Variants in RASA1 observed in about 807,000 individuals in gnomAD.
RASA1 encodes the protein RAS p21 protein activator 1.
In RASA1, 25 loss-of-function variants were observed where a neutral mutation model predicts 132.2. That is an observed-to-expected ratio of 0.19 (90% confidence interval 0.14 to 0.26). RASA1 has a LOEUF of 0.26. Among genes scored for constraint, RASA1 ranks in the 10% least tolerant of loss-of-function variants. The pLI is 1.00. For missense variants in RASA1, 964 were observed against 1,299.2 expected (o/e 0.74, Z 3.97); for synonymous variants, 477 against 449.9 (o/e 1.06, Z -0.76).
At chr5:87,304,991 G>A (rs1470624537) in intron 1 of RASA1, among the ~76,000 whole-genome samples, 1 of 23,622 alleles carries the variant, frequency 4.2e-5, no homozygotes, top group Non-Finnish European at 8.0e-5. Flanking sequence ...AATATACTTT[G>A]TATTTATCTG....
chr5:87,336,787 G>A (rs1415288729), intron 4 of RASA1, among the ~76,000 whole-genome samples: 2 of 152,052 alleles, frequency 1.3e-5, no homozygotes, highest in Non-Finnish European at 2.9e-5. Context: ...GAAAGGAATA[G>A]TTTAATTGGT....
At chr5:87,362,785 C>T (rs1760213476) in intron 10 of RASA1, 114 bp downstream of exon 10, 2 of 1,262,742 alleles carry the variant, frequency 1.6e-6, no homozygotes, top group South Asian at 2.6e-5. Flanking sequence ...TAGTAATTGA[C>T]ACTTGTTTAG....
At chr5:87,296,751 T>C (rs907191812) in intron 1 of RASA1, among the ~76,000 whole-genome samples, 22 of 152,144 alleles carry the variant, frequency 1.4e-4, no homozygotes, top group Admixed American at 7.9e-4. Flanking sequence ...GAAGCTTGAA[T>C]ATGATATGCT....
chr5:87,278,909 C>CTTT lies in RASA1; in HGVS notation c.539+9941_539+9943dup, dbSNP rs58122450. 2.5e-3 allele frequency among the ~76,000 whole-genome samples: 209 copies of CTTT among 83,994 alleles called. 11 individuals are homozygous for CTTT. Among genetic ancestry groups the CTTT allele is most frequent in the East Asian group, 5.9e-3 (15 of 2,564 alleles). The allele number at this position is 83,994 out of a possible 152,430, so 55.1% of individuals were successfully genotyped here. ...ATTCCCTGGTAACTGCTAATTTGTT[C>CTTT]TTTTTTTTTTTTTTTTTTTTTTTTC... On this transcript the variant is annotated intron_variant, in intron 1 of 24. Coordinates refer to ENST00000274376, the MANE Select transcript of RASA1 (RefSeq NM_002890.3).
At chr5:87,333,468 T>C in intron 4 of RASA1, 131 bp downstream of exon 4, 2 of 1,380,120 alleles carry the variant, frequency 1.4e-6, no homozygotes, top group Non-Finnish European at 2.0e-6. Flanking sequence ...CTTTTGATAT[T>C]GGGTCTGTTG....
chr5:87,361,825 T>G (rs1332168680), intron 9 of RASA1, among the ~76,000 whole-genome samples: 1 of 151,960 alleles, frequency 6.6e-6, no homozygotes, highest in Admixed American at 6.6e-5. Flanking sequence ...CTAATATAAA[T>G]ATGTTGCTTA....
Position 87,389,411 on chromosome 5 carries a change from G to A in RASA1, c.2944G>A (p.Asp982Asn). ...DELGNVPELP[D>N]TTEHSRTDLS... Reference sequence around the variant, plus strand: ...CTTAAAGAATGTACCTGAACTTCCGGACACTACAGAGCATTCTAGAACGGA... The same window carrying A: ...CTTAAAGAATGTACCTGAACTTCCGAACACTACAGAGCATTCTAGAACGGA... The change falls in exon 24 of 25, where the codon GAC becomes AAC. Residue 982 changes from aspartate (D) to asparagine (N), a missense_variant. This residue lies in a region of RASA1 where 107 missense variants were observed against 163.8 expected (regional missense o/e 0.65). Transcript: ENST00000274376. 11 of 1,614,114 alleles carry A rather than the reference G, an allele frequency of 6.8e-6. No individual in the cohort carries two copies. Among genetic ancestry groups the A allele is most frequent in the Non-Finnish European group, 9.3e-6 (11 of 1,179,984 alleles).
At chr5:87,353,577 A>G (rs1025478238) in intron 9 of RASA1, among the ~76,000 whole-genome samples, 6 of 152,020 alleles carry the variant, frequency 3.9e-5, no homozygotes, top group Non-Finnish European at 5.9e-5. Flanking sequence ...AAAAGGAAAT[A>G]AAAAATACTG....
At chr5:87,388,520 G>GC (rs1051828073) in intron 23 of RASA1, among the ~76,000 whole-genome samples, 7 of 152,148 alleles carry the variant, frequency 4.6e-5, no homozygotes, top group African/African-American at 7.2e-5. Context: ...TGCTCAACTG[G>GC]CAAGTATACT....
chr5:87,268,320 T>G lies in RASA1; in HGVS notation c.-132T>G. 30 of 1,068,236 alleles carry G rather than the reference T, an allele frequency of 2.8e-5. No homozygotes were observed. Among genetic ancestry groups the G allele is most frequent in the Non-Finnish European group, 3.6e-5 (28 of 773,850 alleles). The allele number at this position is 1,068,236 out of a possible 1,614,324, so 66.2% of individuals were successfully genotyped here. ...GGGGGCGCGGCGGCGGGCTCTCTCC[T>G]TTTGTTGTTGTTTCCTCAGCCTGGG... On this transcript the variant is annotated 5_prime_UTR_variant, in exon 1 of 25. Coordinates refer to ENST00000274376, the MANE Select transcript of RASA1 (RefSeq NM_002890.3).
intron 23 of RASA1, 125 bp downstream of exon 23, chr5:87,387,028 A>G (rs2112517777): frequency 8.1e-6 from 7 of 865,368 alleles, no homozygotes; most frequent in Non-Finnish European, 9.0e-6. Flanking sequence ...AAGCCTGCAA[A>G]TTTTTGTCTG....
At chr5:87,356,851 C>A (rs1355002549) in intron 9 of RASA1, among the ~76,000 whole-genome samples, 1 of 152,118 alleles carries the variant, frequency 6.6e-6, no homozygotes, top group Non-Finnish European at 1.5e-5. Context: ...ATCTGAAATA[C>A]CTCCAAGGTA....
At position 87,362,683 on chromosome 5, in the gene RASA1, CTT is replaced by C. The variant is rs777254176; in HGVS notation, c.1453+15_1453+16del. ...TCTTCTGAAAAAGGGTAAGTTCAGA[CTT>C]TTATCATTAACCCATTTGATAGAGA... On this transcript the variant is annotated intron_variant, in intron 10 of 24. Transcript: ENST00000274376. 84 of 1,601,486 alleles carry C rather than the reference CTT, an allele frequency of 5.2e-5. No individual in the cohort carries two copies. The highest frequency in any genetic ancestry group is 6.9e-5 in the Non-Finnish European group (81 of 1,169,154).
chr5:87,273,340 CCTCT>C (rs553818354), intron 1 of RASA1, among the ~76,000 whole-genome samples: 41 of 152,214 alleles, frequency 2.7e-4, no homozygotes, highest in East Asian at 7.7e-4. Flanking sequence ...AAAAATTCTT[CCTCT>C]CTATTTCTCT....
intron 1 of RASA1, among the ~76,000 whole-genome samples, chr5:87,285,548 T>C (rs951779118): frequency 6.6e-6 from 1 of 152,042 alleles, no homozygotes; most frequent in East Asian, 1.9e-4. Context: ...GGAATTGTAA[T>C]GCAATTCTCT....
chr5:87,363,740 C>G (rs1760292463), intron 11 of RASA1, among the ~76,000 whole-genome samples: 1 of 151,888 alleles, frequency 6.6e-6, no homozygotes, highest in South Asian at 2.1e-4. Context: ...ATGTTTTGTC[C>G]CTGCCCCAAC....
chr5:87,304,728 A>G (rs1430212736), intron 1 of RASA1, among the ~76,000 whole-genome samples: 1 of 152,154 alleles, frequency 6.6e-6, no homozygotes, highest in Non-Finnish European at 1.5e-5. Context: ...TCTGCCTCCC[A>G]AAGTGCTGGG....
intron 9 of RASA1, among the ~76,000 whole-genome samples, chr5:87,353,645 A>G (rs1227710445): frequency 6.6e-6 from 1 of 152,126 alleles, no homozygotes; most frequent in African/African-American, 2.4e-5. Context: ...ATTTGCCTGT[A>G]GTTTTACGGT....
At chr5:87,351,104 T>A (rs1306767430) in intron 8 of RASA1, among the ~76,000 whole-genome samples, 2 of 151,458 alleles carry the variant, frequency 1.3e-5, no homozygotes, top group Non-Finnish European at 3.0e-5. Context: ...GAGACCTTGA[T>A]AAAGAGGGAT....
Sources: allele counts gnomAD v4.1 joint callset (sites outside exome capture counted in the v4.1 genomes callset), GRCh38; gene constraint gnomAD v4.1.1; regional missense constraint gnomAD v4.1.1; transcripts MANE v1.5; gene names NCBI Gene and HGNC (gene_info 2026-07-23, HGNC 2026-07-21).